The following RAB3C variants were observed in gnomAD, a reference collection of about 807,000 sequenced individuals.
RAB3C encodes ras-related protein Rab-3C.
A neutral mutation model predicts 26.4 loss-of-function variants in RAB3C; 17 were observed. The ratio of observed to expected loss-of-function variants is 0.64; its 90% CI spans 0.44 to 0.97. The LOEUF is 0.97. RAB3C is among the 50% of genes least tolerant of loss of function. The pLI is 0.00. For missense variants in RAB3C, 242 were observed against 281.9 expected (o/e 0.86, Z 1.01); for synonymous variants, 91 against 95.9 (o/e 0.95, Z 0.30).
chr5:58,688,332 C>G (rs1165962921), intron 2 of RAB3C, among the ~76,000 whole-genome samples: 1 of 152,052 alleles, frequency 6.6e-6, no homozygotes, highest in African/African-American at 2.4e-5. Flanking sequence ...CTTACCTCTC[C>G]CTGTCTTACT....
chr5:58,841,010 C>T (rs1264539563), intron 4 of RAB3C, among the ~76,000 whole-genome samples: 1 of 152,158 alleles, frequency 6.6e-6, no homozygotes, highest in African/African-American at 2.4e-5. Flanking sequence ...CTTCAGTTGG[C>T]CTGGGGGTAT....
At chr5:58,764,284 T>C (rs1324267501) in intron 3 of RAB3C, among the ~76,000 whole-genome samples, 1 of 145,530 alleles carries the variant, frequency 6.9e-6, no homozygotes, top group Non-Finnish European at 1.5e-5. Context: ...CCATTCCTTG[T>C]GCCCACGGCT....
At chr5:58,836,993 T>G (rs1211777608) in intron 4 of RAB3C, among the ~76,000 whole-genome samples, 1 of 152,200 alleles carries the variant, frequency 6.6e-6, no homozygotes, top group Non-Finnish European at 1.5e-5. Context: ...GTTTACATTC[T>G]TACCAACAGT....
chr5:58,648,414 T>C (rs1243010168), intron 2 of RAB3C, among the ~76,000 whole-genome samples: 1 of 152,200 alleles, frequency 6.6e-6, no homozygotes, highest in Non-Finnish European at 1.5e-5. Flanking sequence ...CAATCTAATA[T>C]GTGATTGCTT....
chr5:58,617,566 T>C (rs377399401), intron 1 of RAB3C, 77 bp from the exon 2 acceptor site: 46 of 1,151,960 alleles, frequency 4.0e-5, no homozygotes, highest in Middle Eastern at 1.9e-4. Flanking sequence ...CAATAATGAG[T>C]ATGCTGCTAG....
intron 1 of RAB3C, 73 bp downstream of exon 1, chr5:58,583,305 C>G (rs1745944782): frequency 3.1e-6 from 5 of 1,605,330 alleles, no homozygotes; most frequent in African/African-American, 2.7e-5. Flanking sequence ...CGCGCACAAG[C>G]AGTTCAACGT....
chr5:58,823,069 C>G, intron 3 of RAB3C: 1 of 533,484 alleles, frequency 1.9e-6, no homozygotes, highest in Non-Finnish European at 3.6e-6. Flanking sequence ...ATTCTGAAAG[C>G]AAGGAATTTA....
At chr5:58,696,201 T>C (rs1748694628) in intron 2 of RAB3C, among the ~76,000 whole-genome samples, 1 of 152,192 alleles carries the variant, frequency 6.6e-6, no homozygotes, top group Admixed American at 6.5e-5. Flanking sequence ...TTATCTTTGG[T>C]TCTGTTTATG....
intron 4 of RAB3C, chr5:58,847,021 A>T (rs1259438665): frequency 1.3e-5 from 2 of 152,024 alleles, no homozygotes; most frequent in African/African-American, 2.4e-5. Context: ...TACAACAGAG[A>T]TGTGCTGGAC....
In RAB3C at chr5:58,760,736, T is replaced by C. The variant is rs373856350; in HGVS notation, c.371+34616T>C. Among the ~76,000 whole-genome samples the C allele has an allele frequency of 6.4e-4, 97 of 152,346 alleles. 2 individuals are homozygous for C. The South Asian group carries it at 0.018, about 29-fold the overall frequency. ...TTTTTGAGAGCCCATGATGGTCAGA[T>C]CTCTGTGCTAAATGCTATGGTGCAC... is the stretch of plus-strand genomic sequence containing the variant. On this transcript the variant is annotated intron_variant, in intron 3 of 4. Transcript: ENST00000282878.
intron 2 of RAB3C, among the ~76,000 whole-genome samples, chr5:58,622,308 C>T (rs549762822): frequency 6.6e-6 from 1 of 152,152 alleles, no homozygotes; most frequent in Non-Finnish European, 1.5e-5. Context: ...GTTGGTTTGC[C>T]TTTGAAAAGA....
intron 2 of RAB3C, among the ~76,000 whole-genome samples, chr5:58,666,255 G>T (rs1353813273): frequency 6.6e-6 from 1 of 152,160 alleles, no homozygotes. Context: ...TGTTTGTAAT[G>T]TTCATGTTTC....
In RAB3C at chr5:58,602,823, T is replaced by A. The variant is rs1746484932; in HGVS notation, c.25-14820T>A. Among the ~76,000 whole-genome samples, 3 of 152,192 alleles carry A rather than the reference T, an allele frequency of 2.0e-5. No individual in the cohort carries two copies. In the South Asian group the frequency reaches 6.2e-4, roughly 31 times the overall value. On this transcript the variant is annotated intron_variant, in intron 1 of 4. Coordinates refer to ENST00000282878, the MANE Select transcript of RAB3C (RefSeq NM_138453.4). ...TCTGTATCTTTTATTAAGTGGAGCA[T>A]TAAGGCCATTTACATTCAATGTTAG...
chr5:58,687,418 A>G (rs1247531840), intron 2 of RAB3C, among the ~76,000 whole-genome samples: 2 of 152,122 alleles, frequency 1.3e-5, no homozygotes, highest in Non-Finnish European at 2.9e-5. Flanking sequence ...TATGAATTAG[A>G]TAGAATAGGG....
intron 1 of RAB3C, among the ~76,000 whole-genome samples, chr5:58,616,900 G>A (rs1165192964): frequency 6.6e-6 from 1 of 152,094 alleles, no homozygotes; most frequent in Non-Finnish European, 1.5e-5. Flanking sequence ...TCAAGAACAT[G>A]AGCCCTGGCA....
Position 58,853,528 on chromosome 5 carries a change from G to T in RAB3C, c.*2177G>T, listed in dbSNP as rs1744160911. On this transcript the variant is annotated 3_prime_UTR_variant, in exon 5 of 5. Transcript: ENST00000282878. Reference sequence around the variant, plus strand: ...TGAGACAGTATTTAAAAGTGAAAGAGCAGAGTTTTGCTCTGCTGAAAACCC... The same window carrying T: ...TGAGACAGTATTTAAAAGTGAAAGATCAGAGTTTTGCTCTGCTGAAAACCC... 1 of 152,170 alleles carries T rather than the reference G, an allele frequency of 6.6e-6. No individual in the cohort carries two copies. Among genetic ancestry groups the T allele is most frequent in the African/African-American group, 2.4e-5 (1 of 41,446 alleles). 9.4% of individuals were successfully genotyped at this position (152,170 alleles called of 1,614,324 possible).
At chr5:58,636,866 C>T (rs1471161972) in intron 2 of RAB3C, among the ~76,000 whole-genome samples, 1 of 152,090 alleles carries the variant, frequency 6.6e-6, no homozygotes, top group African/African-American at 2.4e-5. Flanking sequence ...CATATGTGTC[C>T]TTAAAGTTCC....
chr5:58,805,390 G>C (rs572993519), intron 3 of RAB3C, among the ~76,000 whole-genome samples: 102 of 151,990 alleles, frequency 6.7e-4, no homozygotes, highest in Non-Finnish European at 1.4e-3. Context: ...GAAAGAACCA[G>C]CCTGGCCAAC....
At chr5:58,823,672 A>C (rs2662384) in intron 3 of RAB3C, 102,727 of 206,976 alleles carry the variant, frequency 0.5, 26,195 homozygotes, top group Middle Eastern at 0.65. Flanking sequence ...GCTCAAAAGA[A>C]GGGAAGCTTC....
Sources: gnomAD v4.1 joint callset for allele counts (sites outside exome capture counted in the v4.1 genomes callset) on GRCh38, gnomAD v4.1.1 for gene constraint, MANE v1.5 for transcripts, NCBI Gene and HGNC (gene_info 2026-07-23, HGNC 2026-07-21) for gene names.